Variants in PARD3 observed in about 807,000 individuals in gnomAD.
PARD3 encodes the protein par-3 family cell polarity regulator.
Under a neutral mutation model 155.4 loss-of-function variants are expected in PARD3, and 75 were observed. The ratio of observed to expected loss-of-function variants is 0.48; its 90% CI spans 0.40 to 0.58. PARD3 has a LOEUF of 0.58. Ranked by LOEUF, PARD3 falls within the 20% of genes least tolerant of loss-of-function variation. PARD3 has a pLI of 0.00. For synonymous variants in PARD3, 576 were observed against 610.5 expected (o/e 0.94, Z 0.83); for missense variants, 1,642 against 1,721.7 (o/e 0.95, Z 0.82).
At chr10:34,146,270 G>A (rs1948500653) in intron 22 of PARD3, among the ~76,000 whole-genome samples, 1 of 152,084 alleles carries the variant, frequency 6.6e-6, no homozygotes, top group Admixed American at 6.6e-5. Context: ...AATAAAACTG[G>A]TATATGGATG....
At chr10:34,241,041 C>T (rs138079946) in intron 22 of PARD3, among the ~76,000 whole-genome samples, 1 of 152,164 alleles carries the variant, frequency 6.6e-6, no homozygotes, top group Non-Finnish European at 1.5e-5. Flanking sequence ...CCTAGAGTTA[C>T]ACTTAAGAGG....
intron 12 of PARD3, among the ~76,000 whole-genome samples, chr10:34,366,387 T>C (rs1038559331): frequency 2.0e-5 from 3 of 152,210 alleles, no homozygotes; most frequent in Admixed American, 6.5e-5. Context: ...GGTGTATAAA[T>C]GCATTTTCAT....
intron 20 of PARD3, among the ~76,000 whole-genome samples, chr10:34,299,483 A>C (rs1277428271): frequency 6.6e-6 from 1 of 152,238 alleles, no homozygotes; most frequent in African/African-American, 2.4e-5. Context: ...GGTGGAAGAC[A>C]CTTCTAAAGG....
chr10:34,625,729 A>G (rs2091949046), intron 2 of PARD3, among the ~76,000 whole-genome samples: 1 of 152,122 alleles, frequency 6.6e-6, no homozygotes, highest in Non-Finnish European at 1.5e-5. Context: ...CCTGACTAAC[A>G]TGGAGAAACC....
chr10:34,285,842 AAC>A (rs1205255563), intron 20 of PARD3, among the ~76,000 whole-genome samples: 1 of 152,120 alleles, frequency 6.6e-6, no homozygotes, highest in Non-Finnish European at 1.5e-5. Flanking sequence ...AAAAAGGTAA[AAC>A]ACCACCACCA....
At chr10:34,125,071 C>CTTTTTTTTTTTTTTTTTTTT (rs71523316) in intron 23 of PARD3, among the ~76,000 whole-genome samples, 2 of 140,634 alleles carry the variant, frequency 1.4e-5, no homozygotes, top group African/African-American at 5.6e-5. Context: ...CTATTTCTTT[C>CTTTTTTTTTTTTTTTTTTTT]TTTTTTTTTT....
chr10:34,798,571 G>C (rs1218919998), intron 1 of PARD3, among the ~76,000 whole-genome samples: 6 of 151,860 alleles, frequency 4.0e-5, no homozygotes, highest in African/African-American at 1.5e-4. Flanking sequence ...CAGATGTGGT[G>C]GTGGGTGCCT....
At chr10:34,541,294 A>T (rs538764633) in intron 2 of PARD3, among the ~76,000 whole-genome samples, 15 of 152,354 alleles carry the variant, frequency 9.8e-5, no homozygotes, top group Middle Eastern at 3.4e-3. Flanking sequence ...AAGAACTTCC[A>T]GTGTGCTTAA....
chr10:34,785,105 CAA>C (rs753842218), intron 1 of PARD3, among the ~76,000 whole-genome samples: 10 of 152,208 alleles, frequency 6.6e-5, no homozygotes, highest in African/African-American at 1.7e-4. Flanking sequence ...GACTACTAGA[CAA>C]AGAGTTCTAA....
At chr10:34,724,221 G>T (rs183289565) in intron 1 of PARD3, among the ~76,000 whole-genome samples, 32 of 152,096 alleles carry the variant, frequency 2.1e-4, no homozygotes, top group Admixed American at 5.9e-4. Flanking sequence ...TATCTCTCAG[G>T]GTATTTTTTT....
intron 20 of PARD3, among the ~76,000 whole-genome samples, chr10:34,294,662 T>A (rs764692428): frequency 1.3e-5 from 2 of 152,214 alleles, no homozygotes; most frequent in Non-Finnish European, 2.9e-5. Flanking sequence ...GATTCTACAT[T>A]AGGGAGCTGA....
rs960700865 is a variant in PARD3 at position 34,809,252 on chromosome 10, A to G, written c.120+5624T>C. ...AGAGCAGTGTAACATGTTGATTCTC[A>G]GCTTTCTATTTACTCAACATTCTGA... On this transcript the variant is annotated intron_variant, in intron 1 of 24. Coordinates refer to ENST00000374788, the MANE Select transcript of PARD3 (RefSeq NM_001184785.2). 1.6e-4 allele frequency among the ~76,000 whole-genome samples: 25 copies of G among 152,178 alleles called. 1 individual carries two copies. Among genetic ancestry groups the G allele is most frequent in the Admixed American group, 6.5e-5 (1 of 15,282 alleles).
At chr10:34,181,953 C>T (rs1021974579) in intron 22 of PARD3, among the ~76,000 whole-genome samples, 2 of 152,228 alleles carry the variant, frequency 1.3e-5, no homozygotes. Context: ...AGAGACTGCC[C>T]CAGTTTATCA....
At chr10:34,408,794 GA>G (rs1313735380) in intron 5 of PARD3, among the ~76,000 whole-genome samples, 1 of 151,288 alleles carries the variant, frequency 6.6e-6, no homozygotes, top group African/African-American at 2.4e-5. Context: ...AAACATTCAT[GA>G]AAAAAATGCA....
chr10:34,638,583 G>GGC (rs1366483437), intron 2 of PARD3, among the ~76,000 whole-genome samples: 2 of 152,192 alleles, frequency 1.3e-5, no homozygotes, highest in Non-Finnish European at 2.9e-5. Context: ...GGGAAGTGCA[G>GGC]GCGCAGGCTC....
At chr10:34,240,840 C>T (rs938100196) in intron 22 of PARD3, among the ~76,000 whole-genome samples, 13 of 152,110 alleles carry the variant, frequency 8.5e-5, no homozygotes, top group South Asian at 2.1e-4. Context: ...AGAAGGACCT[C>T]GAGCAGACAA....
intron 1 of PARD3, among the ~76,000 whole-genome samples, chr10:34,752,968 AC>A (rs924876963): frequency 6.8e-4 from 103 of 152,322 alleles, no homozygotes; most frequent in African/African-American, 2.3e-3. Context: ...TTCTAAAACT[AC>A]CTGTTTTTCC....
chr10:34,448,887 T>C (rs1030279497), intron 5 of PARD3, among the ~76,000 whole-genome samples: 2 of 151,948 alleles, frequency 1.3e-5, no homozygotes, highest in African/African-American at 4.8e-5. Context: ...ACACACAAAA[T>C]TATATCTATG....
intron 15 of PARD3, chr10:34,344,308 A>C: frequency 2.2e-6 from 2 of 917,166 alleles, no homozygotes; most frequent in South Asian, 5.1e-5. Flanking sequence ...TTGGATATGG[A>C]GTCTCACTCT....
Sources: gnomAD v4.1 joint callset for allele counts (sites outside exome capture counted in the v4.1 genomes callset) on GRCh38, gnomAD v4.1.1 for gene constraint, MANE v1.5 for transcripts, NCBI Gene and HGNC (gene_info 2026-07-23, HGNC 2026-07-21) for gene names.